Variants in NPSR1 observed in about 807,000 individuals in gnomAD.
NPSR1 encodes the protein neuropeptide S receptor 1.
In NPSR1, 48 loss-of-function variants were observed where a neutral mutation model predicts 46.9. The observed-to-expected ratio is 1.02, with a 90% CI of 0.81 to 1.30. NPSR1 has a LOEUF of 1.30. NPSR1 is among the 50% of genes most tolerant of loss of function. NPSR1 has a pLI of 0.00. For missense variants in NPSR1, 450 were observed against 449.5 expected, an observed-to-expected ratio of 1.00 and a Z score of -0.01; for synonymous variants, 176 against 168.1, an observed-to-expected ratio of 1.05 and a Z score of -0.36.
At chr7:34,858,404 T>C (rs919709983) in intron 8 of NPSR1, among the ~76,000 whole-genome samples, 1 of 151,708 alleles carries the variant, frequency 6.6e-6, no homozygotes, top group African/African-American at 2.4e-5. Flanking sequence ...AAAAAAACTT[T>C]AAAAACATAA....
chr7:34,741,997 T>C (rs142354360), intron 2 of NPSR1, among the ~76,000 whole-genome samples: 10 of 152,356 alleles, frequency 6.6e-5, no homozygotes, highest in Non-Finnish European at 1.2e-4. Context: ...TACTCTGCCA[T>C]TGTTGGCAAA....
At chr7:34,685,056 T>G (rs28461805) in intron 2 of NPSR1, among the ~76,000 whole-genome samples, 1 of 152,204 alleles carries the variant, frequency 6.6e-6, no homozygotes, top group African/African-American at 2.4e-5. Context: ...ACCAGCACTA[T>G]CTCTATTAAA....
rs139280255 is a variant in NPSR1, at chr7:34,734,153, G to A, written c.281-44309G>A. Among the ~76,000 whole-genome samples, 890 of 152,300 alleles carry A rather than the reference G, an allele frequency of 5.8e-3. 7 individuals are homozygous for A. The highest frequency in any genetic ancestry group is 0.017 in the Middle Eastern group (5 of 294). ...AAAGATGATGAAGATCTAAAGTTAG[G>A]TTCAAATCCAGTGGTCCTCAACTTT... On this transcript the variant is annotated intron_variant, in intron 2 of 8. Transcript: ENST00000360581.
At chr7:34,811,688 T>C in intron 3 of NPSR1, 82 bp from the exon 4 acceptor site, 1 of 910,218 alleles carries the variant, frequency 1.1e-6, no homozygotes, top group Non-Finnish European at 1.7e-6. Flanking sequence ...GATTTCTAAA[T>C]AACACAAGGT....
intron 8 of NPSR1, among the ~76,000 whole-genome samples, chr7:34,877,258 G>T (rs953984024): frequency 6.6e-6 from 1 of 152,160 alleles, no homozygotes; most frequent in East Asian, 1.9e-4. Flanking sequence ...GGATGCATGG[G>T]GGTGTGGGGG....
At chr7:34,838,487 A>T (rs777605147) in intron 6 of NPSR1, among the ~76,000 whole-genome samples, 1 of 152,136 alleles carries the variant, frequency 6.6e-6, no homozygotes. Context: ...CCCATCTGTC[A>T]TTACAGCCAA....
At chr7:34,775,060 G>A (rs1320209113) in intron 2 of NPSR1, among the ~76,000 whole-genome samples, 2 of 152,030 alleles carry the variant, frequency 1.3e-5, no homozygotes, top group Middle Eastern at 3.2e-3. Flanking sequence ...ATTTTCACAG[G>A]GTTTGTCTCT....
intron 2 of NPSR1, among the ~76,000 whole-genome samples, chr7:34,707,578 G>C (rs1028870804): frequency 6.6e-6 from 1 of 152,158 alleles, no homozygotes; most frequent in Non-Finnish European, 1.5e-5. Flanking sequence ...CTATGGCGAG[G>C]CATGGTTCCA....
chr7:34,685,294 G>A (rs1792870291), intron 2 of NPSR1, among the ~76,000 whole-genome samples: 1 of 152,116 alleles, frequency 6.6e-6, no homozygotes, highest in South Asian at 2.1e-4. Context: ...AAAATGATCT[G>A]TGAAAGTTAG....
chr7:34,759,227 G>A (rs1413814140), intron 2 of NPSR1, among the ~76,000 whole-genome samples: 2 of 152,112 alleles, frequency 1.3e-5, no homozygotes, highest in Admixed American at 1.3e-4. Flanking sequence ...TTCACTCACA[G>A]CACTTACCAT....
intron 2 of NPSR1, among the ~76,000 whole-genome samples, chr7:34,760,215 TCTAGGA>T (rs1263188035): frequency 6.6e-6 from 1 of 152,068 alleles, no homozygotes; most frequent in African/African-American, 2.4e-5. Flanking sequence ...TGGCAAGGAG[TCTAGGA>T]CTTATGTTAA....
chr7:34,746,389 TG>T (rs1285746993), intron 2 of NPSR1, among the ~76,000 whole-genome samples: 1 of 152,240 alleles, frequency 6.6e-6, no homozygotes, highest in Admixed American at 6.5e-5. Context: ...CATTATCATA[TG>T]GTATCAGTAT....
intron 2 of NPSR1, among the ~76,000 whole-genome samples, chr7:34,742,178 T>G (rs987446776): frequency 3.9e-5 from 6 of 152,102 alleles, no homozygotes; most frequent in African/African-American, 1.4e-4. Flanking sequence ...CTCCTTTTTT[T>G]TTTTTAGGTT....
intron 1 of NPSR1, chr7:34,660,201 G>A (rs1057373294): frequency 2.2e-6 from 1 of 449,186 alleles, no homozygotes; most frequent in African/African-American, 2.3e-5. Flanking sequence ...CAAAACGGCT[G>A]GACCACTGGA....
At chr7:34,795,729 T>G (rs1353043912) in intron 3 of NPSR1, among the ~76,000 whole-genome samples, 1 of 152,102 alleles carries the variant, frequency 6.6e-6, no homozygotes, top group Non-Finnish European at 1.5e-5. Flanking sequence ...CAAGGAAAAC[T>G]ACGAAACTTG....
chr7:34,827,648 G>GGT, intron 5 of NPSR1, 46 bp downstream of exon 5: 1 of 848,562 alleles, frequency 1.2e-6, no homozygotes. Flanking sequence ...TGGGGCGGGG[G>GGT]GGGCTTTCCT....
At chr7:34,799,019 A>C (rs770551969) in intron 3 of NPSR1, among the ~76,000 whole-genome samples, 24 of 152,156 alleles carry the variant, frequency 1.6e-4, no homozygotes, top group Admixed American at 5.9e-4. Flanking sequence ...ATGTGATATT[A>C]ATAAACTAAT....
At chr7:34,751,367 G>A in intron 2 of NPSR1, 1 of 1,036,946 alleles carries the variant, frequency 9.6e-7, no homozygotes, top group African/African-American at 1.5e-5. Context: ...GAGAGGTCTG[G>A]GTTGCTATAG....
chr7:34,774,572 G>A (rs324977), intron 2 of NPSR1, among the ~76,000 whole-genome samples: 1 of 152,068 alleles, frequency 6.6e-6, no homozygotes, highest in South Asian at 2.1e-4. Context: ...TTCTAGGAAG[G>A]GTTTCTCAAA....
Sources: allele counts gnomAD v4.1 joint callset (sites outside exome capture counted in the v4.1 genomes callset), GRCh38; gene constraint gnomAD v4.1.1; transcripts MANE v1.5; gene names NCBI Gene and HGNC (gene_info 2026-07-23, HGNC 2026-07-21).